VWA8: variants seen among roughly 807,000 people sequenced by gnomAD.
VWA8 encodes the protein von Willebrand factor A domain containing 8, also known as von Willebrand factor A domain-containing protein 8.
In VWA8, 221 loss-of-function variants were observed where a neutral mutation model predicts 241.5. The observed-to-expected ratio is 0.91, with a 90% confidence interval of 0.82 to 1.02. The LOEUF (loss-of-function observed/expected upper bound fraction) is 1.02, where lower values mean the gene tolerates loss of function less well. Among genes scored for constraint, VWA8 ranks in the 50% least tolerant of loss-of-function variants. The pLI is 0.00. For synonymous variants in VWA8, 852 were observed against 827.1 expected (o/e 1.03, Z -0.52); for missense variants, 2,322 against 2,328.7 (o/e 1.00, Z 0.06).
At chr13:41,943,492 A>G (rs1387222757) in intron 2 of VWA8, among the ~76,000 whole-genome samples, 1 of 152,224 alleles carries the variant, frequency 6.6e-6, no homozygotes, top group East Asian at 1.9e-4. Flanking sequence ...TTTCTGACAC[A>G]ATGAGCACTA....
At chr13:41,794,344 C>T (rs1481261776) in intron 17 of VWA8, among the ~76,000 whole-genome samples, 1 of 152,044 alleles carries the variant, frequency 6.6e-6, no homozygotes, top group Non-Finnish European at 1.5e-5. Context: ...TGAAGAGGTC[C>T]TTCAATTCCC....
chr13:41,934,053 A>G (rs547168085), intron 2 of VWA8, among the ~76,000 whole-genome samples: 1 of 151,590 alleles, frequency 6.6e-6, no homozygotes, highest in South Asian at 2.1e-4. Flanking sequence ...CTAGAATAAC[A>G]TATTTGCAAA....
At chr13:41,759,922 T>A (rs892260846) in intron 21 of VWA8, among the ~76,000 whole-genome samples, 1 of 151,762 alleles carries the variant, frequency 6.6e-6, no homozygotes, top group African/African-American at 2.4e-5. Context: ...ATACCCATTA[T>A]TTTTATTTTT....
At chr13:41,836,904 G>C (rs1397787255) in intron 12 of VWA8, among the ~76,000 whole-genome samples, 2 of 152,122 alleles carry the variant, frequency 1.3e-5, no homozygotes, top group African/African-American at 4.8e-5. Context: ...TCTTCGGAGG[G>C]ATAGAACATG....
chr13:41,885,460 C>T (rs1373805785), intron 8 of VWA8, among the ~76,000 whole-genome samples: 3 of 150,672 alleles, frequency 2.0e-5, no homozygotes, highest in East Asian at 1.9e-4. Flanking sequence ...TCTAAGAAGA[C>T]GATCCTTGGG....
intron 20 of VWA8, among the ~76,000 whole-genome samples, chr13:41,775,971 C>A (rs1403767926): frequency 1.3e-5 from 2 of 152,170 alleles, no homozygotes; most frequent in Non-Finnish European, 2.9e-5. Flanking sequence ...CTATTACCTG[C>A]TCAATTGCAA....
chr13:41,802,385 G>A (rs574609493), intron 17 of VWA8, among the ~76,000 whole-genome samples: 3 of 152,316 alleles, frequency 2.0e-5, no homozygotes, highest in Middle Eastern at 3.4e-3. Flanking sequence ...AGGCTAAAGT[G>A]CTCTGTGTTC....
chr13:41,830,805 C>T (rs1871418057), intron 13 of VWA8, among the ~76,000 whole-genome samples, 163 bp from the exon 14 acceptor site: 2 of 152,084 alleles, frequency 1.3e-5, no homozygotes, highest in South Asian at 4.1e-4. Context: ...ACTGCTGTTA[C>T]ACTTCGCAAA....
At chr13:41,895,943 A>G (rs1045488373) in intron 4 of VWA8, among the ~76,000 whole-genome samples, 3 of 151,416 alleles carry the variant, frequency 2.0e-5, no homozygotes, top group Non-Finnish European at 2.9e-5. Flanking sequence ...CCAGTTTCTG[A>G]CAGTGGCTTC....
chr13:41,723,451 C>G (rs887506420), intron 24 of VWA8, among the ~76,000 whole-genome samples: 4 of 152,156 alleles, frequency 2.6e-5, no homozygotes, highest in Non-Finnish European at 5.9e-5. Flanking sequence ...ACTCTTAGAT[C>G]TTTCACAGTT....
intron 37 of VWA8, among the ~76,000 whole-genome samples, chr13:41,622,311 G>C (rs1190135895): frequency 6.6e-6 from 1 of 152,142 alleles, no homozygotes; most frequent in African/African-American, 2.4e-5. Context: ...TGTTTCCTGG[G>C]ACAGCCATGT....
intron 21 of VWA8, among the ~76,000 whole-genome samples, chr13:41,746,945 C>T (rs1349912015): frequency 6.6e-6 from 1 of 152,166 alleles, no homozygotes; most frequent in Non-Finnish European, 1.5e-5. Context: ...ACTACCCTCA[C>T]TAAAATACCA....
chr13:41,885,652 G>T (rs776543856), intron 8 of VWA8, among the ~76,000 whole-genome samples: 1 of 152,210 alleles, frequency 6.6e-6, no homozygotes, highest in East Asian at 1.9e-4. Context: ...CCTCTTACTT[G>T]ATCAGGCTAA....
chr13:41,777,950 T>G (rs1166473372), intron 20 of VWA8, 35 bp downstream of exon 20: 4 of 1,546,968 alleles, frequency 2.6e-6, no homozygotes, highest in Non-Finnish European at 3.5e-6. Context: ...TACTATCATT[T>G]TTTCATTGGT....
Position 41,611,731 on chromosome 13 carries a change from C to G in VWA8, c.4722G>C (p.Gly1574=). The G allele has an allele frequency of 1.2e-6, 2 of 1,613,354 alleles. No individual in the cohort carries two copies. Among genetic ancestry groups the G allele is most frequent in the Non-Finnish European group, 1.7e-6 (2 of 1,179,698 alleles). The change falls in exon 39 of 45, where the codon GGG becomes GGC. Residue 1574 remains glycine (G), a splice_region_variant and synonymous_variant. Transcript: ENST00000379310. ...CACCCAGGCCTGCCGTGTCTCTTCC[C>G]CCTGGAAGGAAAACGTGGAAATTCA... ...VGGNTWAGGT[G]GRDTAGLGGK... is the part of the protein sequence containing the mutation.
At chr13:41,824,921 A>G (rs551980251) in intron 14 of VWA8, among the ~76,000 whole-genome samples, 112 of 152,076 alleles carry the variant, frequency 7.4e-4, no homozygotes, top group Non-Finnish European at 1.3e-3. Context: ...AATGCTCAGT[A>G]TATCAATGAC....
At chr13:41,670,895 A>T (rs1410208240) in intron 37 of VWA8, 51 bp downstream of exon 37, 1 of 1,597,814 alleles carries the variant, frequency 6.3e-7, no homozygotes, top group African/African-American at 1.3e-5. Flanking sequence ...CTGGAACTAA[A>T]TTTATACTTG....
At chr13:41,719,399 A>C in intron 26 of VWA8, 192 bp downstream of exon 26, 1 of 1,412,508 alleles carries the variant, frequency 7.1e-7, no homozygotes, top group South Asian at 1.6e-5. Flanking sequence ...ATAATAATCA[A>C]AATTTTCAAT....
chr13:41,659,566 C>T (rs1326785807), intron 37 of VWA8, among the ~76,000 whole-genome samples: 1 of 152,148 alleles, frequency 6.6e-6, no homozygotes, highest in East Asian at 1.9e-4. Context: ...GTGTTCACAA[C>T]TGGAGTAACT....
Sources: gnomAD v4.1 joint callset for allele counts (sites outside exome capture counted in the v4.1 genomes callset) on GRCh38, gnomAD v4.1.1 for gene constraint, MANE v1.5 for transcripts, NCBI Gene and HGNC (gene_info 2026-07-23, HGNC 2026-07-21) for gene names.